MYO3B: variants seen among roughly 807,000 people sequenced by gnomAD.
The protein encoded by MYO3B is myosin IIIB, also known as myosin-IIIb.
A neutral mutation model predicts 174.6 loss-of-function variants in MYO3B; 156 were observed. That is an observed-to-expected ratio of 0.89 (90% confidence interval 0.78 to 1.02). The LOEUF is 1.02. Ranked by LOEUF, MYO3B falls within the 50% of genes least tolerant of loss-of-function variation. The probability of loss-of-function intolerance (pLI) is 0.00; values close to 1 mark genes in which losing one functional copy is unlikely to be tolerated. For synonymous variants in MYO3B, 563 were observed against 569.1 expected (o/e 0.99, Z 0.15); for missense variants, 1,632 against 1,639.4 (o/e 1.00, Z 0.08).
chr2:170,347,638 T>C (rs2094026875), intron 8 of MYO3B, among the ~76,000 whole-genome samples: 2 of 152,136 alleles, frequency 1.3e-5, no homozygotes. Flanking sequence ...TGATGGACTT[T>C]AGGCCTCACA....
At chr2:170,325,197 T>C (rs1002322657) in intron 7 of MYO3B, among the ~76,000 whole-genome samples, 1 of 152,116 alleles carries the variant, frequency 6.6e-6, no homozygotes, top group African/African-American at 2.4e-5. Context: ...AAACATTCTT[T>C]TTTGTTCTGT....
intron 22 of MYO3B, among the ~76,000 whole-genome samples, chr2:170,427,467 C>A (rs915322861): frequency 1.3e-5 from 2 of 152,152 alleles, no homozygotes; most frequent in African/African-American, 4.8e-5. Context: ...ATATAAATTT[C>A]AATGGAAGAA....
At chr2:170,184,657 A>T (rs758349833) in intron 1 of MYO3B, among the ~76,000 whole-genome samples, 3 of 152,200 alleles carry the variant, frequency 2.0e-5, no homozygotes. Flanking sequence ...ATGGGAGTGC[A>T]GATAGTTCTT....
Position 170,426,303 on chromosome 2 carries a change from C to T in MYO3B, c.2651-17664C>T, listed in dbSNP as rs183061374. ...GCAGTGAGCCACGATTGTGCCACTG[C>T]ACTCTAGCCTGGGTGACAGAGCAAG... On this transcript the variant is annotated intron_variant, in intron 22 of 34. Coordinates refer to ENST00000408978, the MANE Select transcript of MYO3B (RefSeq NM_138995.5). Among the ~76,000 whole-genome samples, 386 of 151,094 alleles carry T rather than the reference C, an allele frequency of 2.6e-3. 2 individuals carry two copies. The highest frequency in any genetic ancestry group is 9.0e-3 in the African/African-American group (372 of 41,322).
At chr2:170,652,541 A>T (rs1198194578) in intron 34 of MYO3B, among the ~76,000 whole-genome samples, 2 of 152,190 alleles carry the variant, frequency 1.3e-5, no homozygotes, top group Admixed American at 6.5e-5. Flanking sequence ...ACAAGGAGAA[A>T]CATGCCCAAC....
At chr2:170,518,152 T>C (rs17271301) in intron 29 of MYO3B, among the ~76,000 whole-genome samples, 15,985 of 152,234 alleles carry the variant, frequency 0.11, 972 homozygotes, top group Admixed American at 0.19. Context: ...GAAATATTTA[T>C]GCTGAGGAAC....
intron 30 of MYO3B, among the ~76,000 whole-genome samples, chr2:170,528,686 A>G (rs1281164235): frequency 6.6e-6 from 1 of 152,204 alleles, no homozygotes. Context: ...GATTGCATGC[A>G]TGAGAAACTG....
chr2:170,485,420 C>CAGAGAG lies in MYO3B; in HGVS notation c.3015-13153_3015-13148dup, dbSNP rs61185936. Reference sequence around the variant, plus strand: ...ACACACACACACACACACACACACACAGAGAGAGAGAGAGAGAGAGAGAGC... The same window carrying CAGAGAG: ...ACACACACACACACACACACACACACAGAGAGAGAGAGAGAGAGAGAGAGAGAGAGC... On this transcript the variant is annotated intron_variant, in intron 25 of 34. Transcript: ENST00000408978. 4.8e-4 allele frequency among the ~76,000 whole-genome samples: 61 copies of CAGAGAG among 127,900 alleles called. No homozygotes were observed. The East Asian group carries it at 5.0e-3, about 10-fold the overall frequency. 83.9% of individuals were successfully genotyped at this position (127,900 alleles called of 152,430 possible).
Position 170,503,477 on chromosome 2 carries a change from T to TTTTC in MYO3B, c.3370+1612_3370+1613insTTTC, listed in dbSNP as rs397942326. 1.4e-5 allele frequency among the ~76,000 whole-genome samples: 2 copies of TTTTC among 140,998 alleles called. 1 individual carries two copies. Among genetic ancestry groups the TTTTC allele is most frequent in the Admixed American group, 1.4e-4 (2 of 14,174 alleles). The allele number at this position is 140,998 out of a possible 152,430, so 92.5% of individuals were successfully genotyped here. A position where few individuals can be genotyped will look rare whatever the true frequency, so the allele number is the denominator to read the frequency against. On this transcript the variant is annotated intron_variant, in intron 28 of 34. Coordinates refer to ENST00000408978, the MANE Select transcript of MYO3B (RefSeq NM_138995.5). ...TGTCTCCCTTTTTTTTTTTTTTTTT[T>TTTTC]AGCCTTGCAAGCACCCAGCAGGACT...
chr2:170,589,147 G>C (rs1693669313), intron 32 of MYO3B, among the ~76,000 whole-genome samples: 1 of 152,068 alleles, frequency 6.6e-6, no homozygotes, highest in Non-Finnish European at 1.5e-5. Context: ...GAAAATTCAG[G>C]GTTTAGCAGA....
At chr2:170,647,505 A>T (rs1698478657) in intron 32 of MYO3B, among the ~76,000 whole-genome samples, 1 of 152,216 alleles carries the variant, frequency 6.6e-6, no homozygotes, top group African/African-American at 2.4e-5. Flanking sequence ...AGTGACACTC[A>T]GATTTCTTCC....
At chr2:170,423,585 C>CTTT (rs34209442) in intron 22 of MYO3B, among the ~76,000 whole-genome samples, 5,119 of 124,216 alleles carry the variant, frequency 0.041, 303 homozygotes, top group South Asian at 0.077. Context: ...TCAGCAAAAG[C>CTTT]TTTTTTTTTT....
At chr2:170,459,433 T>G (rs1684116597) in intron 23 of MYO3B, among the ~76,000 whole-genome samples, 1 of 152,162 alleles carries the variant, frequency 6.6e-6, no homozygotes, top group African/African-American at 2.4e-5. Context: ...CCCACTAGAT[T>G]AGCTAGACAC....
chr2:170,650,368 C>G (rs572810002), intron 32 of MYO3B, among the ~76,000 whole-genome samples: 1 of 152,108 alleles, frequency 6.6e-6, no homozygotes, highest in Non-Finnish European at 1.5e-5. Flanking sequence ...AAGTCACTCT[C>G]TACTTTAAAA....
chr2:170,611,929 C>T (rs1392250952), intron 32 of MYO3B, among the ~76,000 whole-genome samples: 1 of 152,130 alleles, frequency 6.6e-6, no homozygotes, highest in African/African-American at 2.4e-5. Flanking sequence ...CCATTTCCTC[C>T]TTGGCCCAAA....
chr2:170,265,484 C>G (rs1232203806), intron 7 of MYO3B, among the ~76,000 whole-genome samples: 1 of 152,170 alleles, frequency 6.6e-6, no homozygotes, highest in African/African-American at 2.4e-5. Flanking sequence ...TACCCAATTC[C>G]CATGCCAAGA....
intron 32 of MYO3B, among the ~76,000 whole-genome samples, chr2:170,642,235 G>C (rs1391373399): frequency 6.6e-6 from 1 of 152,134 alleles, no homozygotes; most frequent in African/African-American, 2.4e-5. Context: ...GTCATTTGTT[G>C]AGAGTGTGCC....
intron 1 of MYO3B, among the ~76,000 whole-genome samples, chr2:170,186,918 C>T (rs1365770529): frequency 4.6e-5 from 7 of 151,348 alleles, no homozygotes; most frequent in African/African-American, 1.7e-4. Context: ...TATAGTTACT[C>T]ATAGTAGCCA....
At chr2:170,585,610 AGC>A (rs558364566) in intron 32 of MYO3B, among the ~76,000 whole-genome samples, 62 of 152,230 alleles carry the variant, frequency 4.1e-4, no homozygotes, top group Non-Finnish European at 6.9e-4. Context: ...TGAGATGATC[AGC>A]TAGCATTAGG....
Sources: allele counts gnomAD v4.1 joint callset (sites outside exome capture counted in the v4.1 genomes callset), GRCh38; gene constraint gnomAD v4.1.1; transcripts MANE v1.5; gene names NCBI Gene and HGNC (gene_info 2026-07-23, HGNC 2026-07-21).